Variants in HORMAD2 observed in about 807,000 individuals in gnomAD.
HORMAD2 encodes the protein HORMA domain containing 2.
A neutral mutation model predicts 38.8 loss-of-function variants in HORMAD2; 45 were observed. That is an observed-to-expected ratio of 1.16 (90% confidence interval 0.91 to 1.49). The LOEUF (loss-of-function observed/expected upper bound fraction) is 1.49, where lower values mean the gene tolerates loss of function less well. Among genes scored for constraint, HORMAD2 ranks in the 40% most tolerant of loss-of-function variants. The pLI, the probability that HORMAD2 is intolerant of heterozygous loss-of-function variation, is 0.00. For synonymous variants in HORMAD2, 126 were observed against 122.8 expected (o/e 1.03, Z -0.17); for missense variants, 338 against 367.0 (o/e 0.92, Z 0.65).
chr22:30,122,226 C>A lies in HORMAD2; in HGVS notation c.819+12C>A, dbSNP rs1922508759. ...AATGCAATGACCATGTAAGGCAAAG[C>A]TTTAGAGATTTTCTATCGTGTCAGT... is the stretch of plus-strand genomic sequence containing the variant. On this transcript the variant is annotated intron_variant, in intron 10 of 10. Coordinates refer to ENST00000336726, the MANE Select transcript of HORMAD2 (RefSeq NM_152510.4). 6.3e-7 allele frequency: 1 copy of A among 1,595,740 alleles called. No homozygotes were observed. The highest frequency in any genetic ancestry group is 8.5e-7 in the Non-Finnish European group (1 of 1,169,662).
At chr22:30,103,295 G>T in intron 3 of HORMAD2, 142 bp from the exon 4 acceptor site, 1 of 594,146 alleles carries the variant, frequency 1.7e-6, no homozygotes, top group Non-Finnish European at 3.0e-6. Context: ...GATGTTTAGA[G>T]ATCCAAAATG....
At chr22:30,170,077 T>C (rs1926018126) in intron 10 of HORMAD2, among the ~76,000 whole-genome samples, 1 of 152,200 alleles carries the variant, frequency 6.6e-6, no homozygotes, top group Non-Finnish European at 1.5e-5. Flanking sequence ...ATCAGTGGTA[T>C]AACTTACTTT....
At chr22:30,175,304 T>TA (rs1308536866) in intron 10 of HORMAD2, among the ~76,000 whole-genome samples, 2 of 134,996 alleles carry the variant, frequency 1.5e-5, no homozygotes, top group African/African-American at 5.6e-5. Context: ...TATATAATAA[T>TA]ATATATAATA....
At chr22:30,143,046 G>A (rs554509023) in intron 10 of HORMAD2, among the ~76,000 whole-genome samples, 48 of 152,062 alleles carry the variant, frequency 3.2e-4, no homozygotes, top group African/African-American at 1.2e-3. Flanking sequence ...ATCATCTGTA[G>A]CTATTTCCTT....
At chr22:30,130,806 G>T (rs1213781756) in intron 10 of HORMAD2, among the ~76,000 whole-genome samples, 6 of 151,634 alleles carry the variant, frequency 4.0e-5, no homozygotes, top group African/African-American at 1.5e-4. Flanking sequence ...GCCCAGGCTG[G>T]TCTCCAACTC....
At chr22:30,162,428 T>C (rs1185653940) in intron 10 of HORMAD2, among the ~76,000 whole-genome samples, 3 of 152,118 alleles carry the variant, frequency 2.0e-5, no homozygotes, top group African/African-American at 7.2e-5. Context: ...TGAATTGAAA[T>C]GTAGGTATAA....
upstream of HORMAD2, among the ~76,000 whole-genome samples, chr22:30,078,061 T>C (rs2068405148): frequency 1.3e-5 from 2 of 152,160 alleles, no homozygotes; most frequent in African/African-American, 4.8e-5. Context: ...CAGGGGCTTA[T>C]TAATCCATTC....
chr22:30,195,669 A>G, the HORMAD2 span, among the ~76,000 whole-genome samples: 2 of 152,244 alleles, frequency 1.3e-5, no homozygotes, highest in Non-Finnish European at 2.9e-5. Flanking sequence ...CTCATTTTGT[A>G]GATGAGGAAA....
chr22:30,178,093 C>T (rs1926558241), downstream of HORMAD2, among the ~76,000 whole-genome samples: 1 of 152,054 alleles, frequency 6.6e-6, no homozygotes, highest in Non-Finnish European at 1.5e-5. Context: ...AGGAGCTTCA[C>T]AAAAACTCTA....
chr22:30,110,533 A>G (rs1415102257), intron 5 of HORMAD2, among the ~76,000 whole-genome samples: 1 of 151,820 alleles, frequency 6.6e-6, no homozygotes, highest in East Asian at 1.9e-4. Context: ...TTACAGGCAC[A>G]AGCCGCCATG....
At chr22:30,111,932 G>A (rs776233320) in intron 6 of HORMAD2, 116 bp downstream of exon 6, 14 of 681,550 alleles carry the variant, frequency 2.1e-5, no homozygotes, top group South Asian at 4.3e-5. Context: ...TTTTTAATCT[G>A]TCTTGGAATT....
At chr22:30,079,045 A>G (rs2068424880), upstream of HORMAD2, among the ~76,000 whole-genome samples, 1 of 152,208 alleles carries the variant, frequency 6.6e-6, no homozygotes, top group Non-Finnish European at 1.5e-5. Context: ...AACTTGCACT[A>G]AAAGAATATT....
chr22:30,203,247 T>C, the HORMAD2 span, among the ~76,000 whole-genome samples: 217 of 151,406 alleles, frequency 1.4e-3, no homozygotes, highest in Non-Finnish European at 2.3e-3. Flanking sequence ...ATACAAAAAT[T>C]AGCTGGGAGT....
the HORMAD2 span, among the ~76,000 whole-genome samples, chr22:30,206,592 C>A: frequency 2.6e-5 from 4 of 152,160 alleles, no homozygotes; most frequent in African/African-American, 9.7e-5. Context: ...AAGCAATCCT[C>A]TCGCCTCAGC....
chr22:30,090,817 A>G lies in HORMAD2; in HGVS notation c.-37-3099A>G, dbSNP rs775412600. The stretch of plus-strand genomic sequence containing the variant: ...TACATGTATACAATATGTAATGGTC[A>G]AGTCAAAGCATATTCATCAATTCAA... On this transcript the variant is annotated intron_variant, in intron 1 of 10. Coordinates refer to ENST00000336726, the MANE Select transcript of HORMAD2 (RefSeq NM_152510.4). 1.8e-4 allele frequency among the ~76,000 whole-genome samples: 27 copies of G among 152,236 alleles called. 1 individual carries two copies. Among genetic ancestry groups the G allele is most frequent in the Non-Finnish European group, 3.1e-4 (21 of 68,042 alleles).
chr22:30,179,536 A>G (rs755584880), downstream of HORMAD2, among the ~76,000 whole-genome samples: 194 of 152,322 alleles, frequency 1.3e-3, 5 homozygotes, highest in Admixed American at 5.2e-4. Context: ...GGTAAAGTCA[A>G]ATTCCTATTT....
intron 10 of HORMAD2, among the ~76,000 whole-genome samples, chr22:30,155,645 G>GT (rs1925024059): frequency 6.6e-6 from 1 of 151,076 alleles, no homozygotes; most frequent in African/African-American, 2.4e-5. Flanking sequence ...GAGAATATAT[G>GT]TATGTACACA....
At chr22:30,179,458 A>G (rs1926611651), downstream of HORMAD2, among the ~76,000 whole-genome samples, 1 of 152,208 alleles carries the variant, frequency 6.6e-6, no homozygotes, top group African/African-American at 2.4e-5. Context: ...TTTGATAGAG[A>G]AGGAGGACAC....
intron 10 of HORMAD2, among the ~76,000 whole-genome samples, chr22:30,156,063 C>T (rs113679329): frequency 2.0e-5 from 3 of 152,320 alleles, no homozygotes; most frequent in African/African-American, 7.2e-5. Flanking sequence ...GTCACCCACA[C>T]TTGTGATGCC....
Sources: gnomAD v4.1 joint callset for allele counts (sites outside exome capture counted in the v4.1 genomes callset) on GRCh38, gnomAD v4.1.1 for gene constraint, MANE v1.5 for transcripts, NCBI Gene and HGNC (gene_info 2026-07-23, HGNC 2026-07-21) for gene names.